S100A7A: variants seen among roughly 807,000 people sequenced by gnomAD.
S100A7A encodes S100 calcium binding protein A7A.
A neutral mutation model predicts 4.0 loss-of-function variants in S100A7A; 5 were observed. The ratio of observed to expected loss-of-function variants is 1.26; its 90% CI spans 0.66 to 2.66. The LOEUF (loss-of-function observed/expected upper bound fraction) is 2.66, where lower values mean the gene tolerates loss of function less well. S100A7A is among the 30% of genes most tolerant of loss of function. S100A7A has a pLI of 0.01. For synonymous variants in S100A7A, 52 were observed against 46.4 expected (o/e 1.12, Z -0.49); for missense variants, 159 against 125.1 (o/e 1.27, Z -1.29).
At chr1:153,417,528 G>A (rs1469344371) in intron 1 of S100A7A, among the ~76,000 whole-genome samples, 1 of 152,200 alleles carries the variant, frequency 6.6e-6, no homozygotes, top group East Asian at 1.9e-4. Flanking sequence ...ACGCTCACAT[G>A]TGCACCTGGA....
intron 1 of S100A7A, 129 bp from the exon 2 acceptor site, chr1:153,417,937 A>AT: frequency 8.0e-7 from 1 of 1,246,576 alleles, no homozygotes. Context: ...ATCACATTTA[A>AT]AAAAATCAAG....
In S100A7A at chr1:153,421,446, T is replaced by C. The variant is rs1270220420; in HGVS notation, c.*2137T>C. 6.6e-6 allele frequency: 1 copy of C among 152,266 alleles called. No homozygotes were observed. 9.4% of individuals were successfully genotyped at this position (152,266 alleles called of 1,614,324 possible). On this transcript the variant is annotated 3_prime_UTR_variant, in exon 3 of 3. Transcript: ENST00000368729. ...CTCCTGGTTACCCAGCACATAGTAG[T>C]ACTGGATTCCAGCTCATAATAAGTA...
Position 153,419,407 on chromosome 1 carries a change from A to G in S100A7A, c.*98A>G, listed in dbSNP as rs551836663. The G allele has an allele frequency of 3.9e-5, 53 of 1,357,542 alleles. No homozygotes were observed. Among genetic ancestry groups the G allele is most frequent in the East Asian group, 1.9e-4 (8 of 41,940 alleles). 84.1% of individuals were successfully genotyped at this position (1,357,542 alleles called of 1,614,324 possible). On this transcript the variant is annotated 3_prime_UTR_variant, in exon 3 of 3. Coordinates refer to ENST00000368729, the MANE Select transcript of S100A7A (RefSeq NM_176823.4). The stretch of plus-strand genomic sequence containing the variant: ...TTTCTTCTTCTCTTTGGTGACCTAC[A>G]TTGTCAAAACTACCAATTCCAGGTT...
intron 2 of S100A7A, 133 bp from the exon 3 acceptor site, chr1:153,419,012 G>A (rs1029131386): frequency 1.1e-6 from 1 of 930,376 alleles, no homozygotes; most frequent in African/African-American, 1.7e-5. Flanking sequence ...CACTCACCCT[G>A]TGCTCTCAGC....
chr1:153,421,510 A>T lies in S100A7A; in HGVS notation c.*2201A>T, dbSNP rs1571187515. ...TTCAATATAAAATGTATTTGTGCAA[A>T]TTCTAGTCAATACTACTTTATGTAA... On this transcript the variant is annotated 3_prime_UTR_variant, in exon 3 of 3. Transcript: ENST00000368729. The T allele has an allele frequency of 6.6e-6, 1 of 152,350 alleles. No individual in the cohort carries two copies. The highest frequency in any genetic ancestry group is 1.9e-4 in the East Asian group (1 of 5,196). 9.4% of individuals were successfully genotyped at this position (152,350 alleles called of 1,614,324 possible).
At chr1:153,418,894 TAAC>T (rs1662816077) in intron 2 of S100A7A, among the ~76,000 whole-genome samples, 1 of 152,142 alleles carries the variant, frequency 6.6e-6, no homozygotes, top group African/African-American at 2.4e-5. Context: ...CAAGGTCACT[TAAC>T]AGAGTGCCTC....
intron 1 of S100A7A, 141 bp from the exon 2 acceptor site, chr1:153,417,925 C>G (rs1451079907): frequency 2.0e-6 from 2 of 990,448 alleles, no homozygotes; most frequent in Non-Finnish European, 2.8e-6. Context: ...ACAACTTATC[C>G]CATCACATTT....
In S100A7A at chr1:153,423,200, A is replaced by G. The variant is rs1000940933; in HGVS notation, c.*3891A>G. 3.3e-5 allele frequency: 5 copies of G among 152,162 alleles called. No homozygotes were observed. Among genetic ancestry groups the G allele is most frequent in the African/African-American group, 1.2e-4 (5 of 41,450 alleles). The allele number at this position is 152,162 out of a possible 1,614,324, so 9.4% of individuals were successfully genotyped here. A position where few individuals can be genotyped will look rare whatever the true frequency, so the allele number is the denominator to read the frequency against. ...TATTTACCATTATTTTCAATTTCAT[A>G]TTAAAACTCAATTTCTAGTAGAGTC... is the stretch of plus-strand genomic sequence containing the variant. On this transcript the variant is annotated 3_prime_UTR_variant, in exon 3 of 3. Coordinates refer to ENST00000368729, the MANE Select transcript of S100A7A (RefSeq NM_176823.4).
chr1:153,417,390 C>T (rs1662752234), intron 1 of S100A7A: 1 of 152,392 alleles, frequency 6.6e-6, no homozygotes, highest in Non-Finnish European at 1.5e-5. Flanking sequence ...CATCCAGCAG[C>T]TTAAGAACCA....
In S100A7A at chr1:153,422,355, G is replaced by A. The variant is rs1236002299; in HGVS notation, c.*3046G>A. 1 of 223,460 alleles carries A rather than the reference G, an allele frequency of 4.5e-6. No individual in the cohort carries two copies. The highest frequency in any genetic ancestry group is 7.5e-6 in the Non-Finnish European group (1 of 133,328). 13.8% of individuals were successfully genotyped at this position (223,460 alleles called of 1,614,324 possible). On this transcript the variant is annotated 3_prime_UTR_variant, in exon 3 of 3. Transcript: ENST00000368729. ...TTGGAAGGAGGACATTTTAGAGCAA[G>A]GCCTAAGGGCACAGGTATTAGTGTC...
rs147923063 is a variant in S100A7A, at chr1:153,418,124, C to T, written c.42C>T (p.Ile14=). Residue 14 remains isoleucine (I), a synonymous_variant, in exon 2 of 3, where the codon ATC becomes ATT. Transcript: ENST00000368729. ...CTGAGAGGTCCATAATAGGCATGAT[C>T]GACATGTTTCACAAATACACCGGAC... The part of the protein sequence containing the change: ...TQAERSIIGM[I]DMFHKYTGRD... 6.8e-6 allele frequency: 11 copies of T among 1,614,062 alleles called. 1 individual carries two copies. The highest frequency in any genetic ancestry group is 6.6e-5 in the South Asian group (6 of 91,070).
chr1:153,419,035 C>T (rs1662819220), intron 2 of S100A7A, 110 bp from the exon 3 acceptor site: 53 of 1,177,100 alleles, frequency 4.5e-5, no homozygotes, highest in Non-Finnish European at 6.3e-5. Context: ...CACGACCATG[C>T]CTGTGCAGAT....
Position 153,418,146 on chromosome 1 carries a change from G to C in S100A7A, c.64G>C (p.Gly22Arg). The change falls in exon 2 of 3, where the codon GGA becomes CGA. Residue 22 changes from glycine (G) to arginine (R), a missense_variant. By Grantham distance (125) the Gly-to-Arg change is moderately radical. Transcript: ENST00000368729. ...GATCGACATGTTTCACAAATACACC[G>C]GACGTGATGGCAAGATTGAGAAGCC... ...GMIDMFHKYT[G>R]RDGKIEKPSL... 6.2e-7 allele frequency: 1 copy of C among 1,614,032 alleles called. No homozygotes were observed. The highest frequency in any genetic ancestry group is 8.5e-7 in the Non-Finnish European group (1 of 1,179,964).
In S100A7A at chr1:153,419,452, C is replaced by T. The variant is rs1662837530; in HGVS notation, c.*143C>T. On this transcript the variant is annotated 3_prime_UTR_variant, in exon 3 of 3. Transcript: ENST00000368729. ...CAGGTTAACTTTGTTGGAGAATTTC[C>T]CCCACCCCCATCCAGTGGGTCACCC... 11 of 962,996 alleles carry T rather than the reference C, an allele frequency of 1.1e-5. No homozygotes were observed. The highest frequency in any genetic ancestry group is 1.7e-5 in the South Asian group (1 of 57,178). 59.7% of individuals were successfully genotyped at this position (962,996 alleles called of 1,614,324 possible).
At chr1:153,417,436 C>A (rs1662753349) in intron 1 of S100A7A, among the ~76,000 whole-genome samples, 1 of 152,076 alleles carries the variant, frequency 6.6e-6, no homozygotes, top group South Asian at 2.1e-4. Flanking sequence ...AGAGGCAATT[C>A]TTGTTTCTCA....
At chr1:153,419,084 T>G (rs982017669) in intron 2 of S100A7A, 61 bp from the exon 3 acceptor site, 1 of 1,576,824 alleles carries the variant, frequency 6.3e-7, no homozygotes, top group Non-Finnish European at 8.7e-7. Context: ...TCCTCTCCCC[T>G]CCCAGCCCAA....
Position 153,419,386 on chromosome 1 carries a change from T to C in S100A7A, c.*77T>C. 1 of 1,474,054 alleles carries C rather than the reference T, an allele frequency of 6.8e-7. No individual in the cohort carries two copies. Among genetic ancestry groups the C allele is most frequent in the South Asian group, 1.3e-5 (1 of 78,878 alleles). The allele number at this position is 1,474,054 out of a possible 1,614,324, so 91.3% of individuals were successfully genotyped here. Reference sequence around the variant, plus strand: ...TCCCACCAGACACTTGCCTTATTTCTTCTTCTCTTTGGTGACCTACATTGT... The same window carrying C: ...TCCCACCAGACACTTGCCTTATTTCCTCTTCTCTTTGGTGACCTACATTGT... On this transcript the variant is annotated 3_prime_UTR_variant, in exon 3 of 3. Coordinates refer to ENST00000368729, the MANE Select transcript of S100A7A (RefSeq NM_176823.4).
intron 1 of S100A7A, 145 bp downstream of exon 1, chr1:153,416,708 T>C (rs1196624526): frequency 3.4e-5 from 9 of 268,414 alleles, no homozygotes; most frequent in Non-Finnish European, 5.1e-5. Flanking sequence ...CTGTGTGACC[T>C]TCACTTGACC....
rs1018777410 is a variant in S100A7A at position 153,420,194 on chromosome 1, A to G, written c.*885A>G. ...TTGCAGCACCTCTATCTCGCAGGTA[A>G]TGGAGTAGTTTGTTATTGGTAGTCT... On this transcript the variant is annotated 3_prime_UTR_variant, in exon 3 of 3. Transcript: ENST00000368729. The G allele has an allele frequency of 6.6e-6, 1 of 152,178 alleles. No homozygotes were observed. The allele number at this position is 152,178 out of a possible 1,614,324, so 9.4% of individuals were successfully genotyped here. A position where few individuals can be genotyped will look rare whatever the true frequency, so the allele number is the denominator to read the frequency against.
Sources: allele counts gnomAD v4.1 joint callset (sites outside exome capture counted in the v4.1 genomes callset), GRCh38; gene constraint gnomAD v4.1.1; transcripts MANE v1.5; gene names NCBI Gene and HGNC (gene_info 2026-07-23, HGNC 2026-07-21).